Variants in BFSP2 observed in about 807,000 individuals in gnomAD.
BFSP2 encodes the protein phakinin.
A neutral mutation model predicts 44.9 loss-of-function variants in BFSP2; 38 were observed. That is an observed-to-expected ratio of 0.85 (90% CI 0.65 to 1.11). The LOEUF is 1.11. Ranked by LOEUF, BFSP2 falls within the 50% of genes least tolerant of loss-of-function variation. BFSP2 has a pLI of 0.00. For synonymous variants in BFSP2, 197 were observed against 209.9 expected (o/e 0.94, Z 0.53); for missense variants, 525 against 533.0 (o/e 0.99, Z 0.15).
chr3:133,425,053 A>T (rs1369978275), intron 1 of BFSP2, among the ~76,000 whole-genome samples: 1 of 152,212 alleles, frequency 6.6e-6, no homozygotes, highest in Non-Finnish European at 1.5e-5. Flanking sequence ...ACGTGTAAAT[A>T]CAGAATCCTG....
At chr3:133,426,101 A>C (rs1001687488) in intron 1 of BFSP2, among the ~76,000 whole-genome samples, 2 of 151,440 alleles carry the variant, frequency 1.3e-5, no homozygotes, top group African/African-American at 4.9e-5. Context: ...GGTCCGGCTA[A>C]CATTAAAGTC....
intron 1 of BFSP2, among the ~76,000 whole-genome samples, chr3:133,416,309 TCCC>T (rs2073528273): frequency 7.7e-6 from 1 of 129,104 alleles, no homozygotes. Flanking sequence ...CTCTGTCCTC[TCCC>T]CTCTACTCAC....
At chr3:133,415,468 C>G (rs1194389351) in intron 1 of BFSP2, among the ~76,000 whole-genome samples, 6 of 131,076 alleles carry the variant, frequency 4.6e-5, no homozygotes, top group Non-Finnish European at 9.6e-5. Context: ...CTGTCCTCTC[C>G]CCTCTACTCA....
chr3:133,430,105 A>G (rs1027656413), intron 1 of BFSP2, among the ~76,000 whole-genome samples: 1 of 151,868 alleles, frequency 6.6e-6, no homozygotes, highest in Non-Finnish European at 1.5e-5. Flanking sequence ...TTATGGCTGC[A>G]TAGTATTCCA....
intron 1 of BFSP2, among the ~76,000 whole-genome samples, chr3:133,446,328 C>T (rs900953011): frequency 1.1e-4 from 16 of 151,452 alleles, no homozygotes; most frequent in South Asian, 6.3e-4. Context: ...GGCTGAGGCA[C>T]GAGAATATCT....
At chr3:133,420,603 G>C (rs1383694676) in intron 1 of BFSP2, among the ~76,000 whole-genome samples, 2 of 152,184 alleles carry the variant, frequency 1.3e-5, no homozygotes, top group Non-Finnish European at 2.9e-5. Flanking sequence ...GCTGCCAACG[G>C]TCAGGGCCAT....
intron 4 of BFSP2, among the ~76,000 whole-genome samples, chr3:133,457,747 C>A (rs551084249): frequency 6.6e-6 from 1 of 152,332 alleles, no homozygotes; most frequent in South Asian, 2.1e-4. Flanking sequence ...GCTGCATTTG[C>A]ACTACACAAG....
Position 133,434,587 on chromosome 3 carries a change from T to C in BFSP2, c.490-12730T>C, listed in dbSNP as rs578188968. 2.4e-4 allele frequency among the ~76,000 whole-genome samples: 37 copies of C among 152,344 alleles called. No individual in the cohort carries two copies. The South Asian group carries it at 7.0e-3, about 29-fold the overall frequency. On this transcript the variant is annotated intron_variant, in intron 1 of 6. Transcript: ENST00000302334. ...TCGCAACCCCTGTGACTTGCATGTATATGCCCAGATGGCCTGAAGTAACTG... is the reference window on the plus strand; with the variant it reads ...TCGCAACCCCTGTGACTTGCATGTACATGCCCAGATGGCCTGAAGTAACTG...
At chr3:133,418,968 G>T (rs1316952207) in intron 1 of BFSP2, among the ~76,000 whole-genome samples, 1 of 152,154 alleles carries the variant, frequency 6.6e-6, no homozygotes, top group Non-Finnish European at 1.5e-5. Context: ...CCAGAACAAA[G>T]GCCCATGGAC....
rs553628630 is a variant in BFSP2 at position 133,450,477 on chromosome 3, A to G, written c.891+13A>G. 6.2e-7 allele frequency: 1 copy of G among 1,613,878 alleles called. No individual in the cohort carries two copies. The highest frequency in any genetic ancestry group is 1.1e-5 in the South Asian group (1 of 91,080). ...GCTCCAAGCTAAGGTGAGAGGCAGGACCAGCATCCTCCACTCTGCCCTATG... is the reference window on the plus strand; with the variant it reads ...GCTCCAAGCTAAGGTGAGAGGCAGGGCCAGCATCCTCCACTCTGCCCTATG... On this transcript the variant is annotated intron_variant, in intron 4 of 6. Transcript: ENST00000302334.
chr3:133,459,670 C>A lies in BFSP2; in HGVS notation c.892-7158C>A, dbSNP rs185883635. ...TTTTTAATCCCCGCTGAGGAGAGCCCATGTTGCTAGTGCAGACTGGATGGC... is the reference window on the plus strand; with the variant it reads ...TTTTTAATCCCCGCTGAGGAGAGCCAATGTTGCTAGTGCAGACTGGATGGC... On this transcript the variant is annotated intron_variant, in intron 4 of 6. Transcript: ENST00000302334. Among the ~76,000 whole-genome samples, 3 of 152,308 alleles carry A rather than the reference C, an allele frequency of 2.0e-5. No homozygotes were observed. In the East Asian group the frequency reaches 5.8e-4, roughly 29 times the overall value.
intron 4 of BFSP2, 68 bp from the exon 5 acceptor site, chr3:133,466,760 G>A (rs919370335): frequency 2.1e-5 from 34 of 1,582,374 alleles, no homozygotes; most frequent in Non-Finnish European, 2.9e-5. Flanking sequence ...GATTAGAAAG[G>A]CTGGGAAGGA....
chr3:133,411,459 T>G (rs937762323), intron 1 of BFSP2, among the ~76,000 whole-genome samples: 1 of 152,110 alleles, frequency 6.6e-6, no homozygotes, highest in African/African-American at 2.4e-5. Context: ...GGCTATGACC[T>G]TCACAAAATG....
intron 1 of BFSP2, chr3:133,410,060 G>A: frequency 5.1e-6 from 1 of 194,492 alleles, no homozygotes. Flanking sequence ...TCTTCTCTTT[G>A]CTGAGCCATA....
chr3:133,455,334 C>A (rs901381248), intron 4 of BFSP2: 1 of 152,236 alleles, frequency 6.6e-6, no homozygotes, highest in Non-Finnish European at 1.5e-5. Context: ...CCCACCAGGG[C>A]CGCATTCTCA....
intron 1 of BFSP2, among the ~76,000 whole-genome samples, chr3:133,434,026 A>G (rs6773044): frequency 0.53 from 80,771 of 151,968 alleles, 22,730 homozygotes; most frequent in African/African-American, 0.72. Context: ...CTACTCATAC[A>G]TGCCCTGCTC....
At chr3:133,408,396 T>C (rs2073422093) in intron 1 of BFSP2, among the ~76,000 whole-genome samples, 1 of 152,238 alleles carries the variant, frequency 6.6e-6, no homozygotes. Flanking sequence ...GGCAAGTTTA[T>C]ACAGTGTTGA....
chr3:133,454,968 C>T (rs748004306), intron 4 of BFSP2, among the ~76,000 whole-genome samples: 9 of 152,172 alleles, frequency 5.9e-5, no homozygotes, highest in Non-Finnish European at 5.9e-5. Context: ...GGGTCAGGAT[C>T]GTCAATATCA....
At chr3:133,439,592 A>C (rs1291973987) in intron 1 of BFSP2, among the ~76,000 whole-genome samples, 1 of 152,242 alleles carries the variant, frequency 6.6e-6, no homozygotes, top group Non-Finnish European at 1.5e-5. Flanking sequence ...GATGGATAGG[A>C]GTTCACCAGA....
Sources: allele counts gnomAD v4.1 joint callset (sites outside exome capture counted in the v4.1 genomes callset), GRCh38; gene constraint gnomAD v4.1.1; transcripts MANE v1.5; gene names NCBI Gene and HGNC (gene_info 2026-07-23, HGNC 2026-07-21).